CHD9: variants seen among roughly 807,000 people sequenced by gnomAD.
CHD9 encodes chromodomain helicase DNA binding protein 9.
A neutral mutation model predicts 316.1 loss-of-function variants in CHD9; 77 were observed. The observed-to-expected ratio is 0.24, with a 90% CI of 0.20 to 0.29. The LOEUF is 0.29. Among genes scored for constraint, CHD9 ranks in the 10% least tolerant of loss-of-function variants. CHD9 has a pLI of 1.00. For missense variants in CHD9, 2,763 were observed against 3,438.1 expected (o/e 0.80, Z 4.91); for synonymous variants, 1,129 against 1,158.3 (o/e 0.97, Z 0.51).
chr16:53,174,132 A>C lies in CHD9; in HGVS notation c.1452+16591A>C, dbSNP rs371225045. Reference sequence around the variant, plus strand: ...ACCCACTCTCTACAAAAAAATACAAAAATTAGCTGGGTTTGGTGGCATGCA... The same window carrying C: ...ACCCACTCTCTACAAAAAAATACAACAATTAGCTGGGTTTGGTGGCATGCA... On this transcript the variant is annotated intron_variant, in intron 2 of 38. Transcript: ENST00000447540. 3.7e-3 allele frequency among the ~76,000 whole-genome samples: 556 copies of C among 152,312 alleles called. 3 individuals carry two copies. Among genetic ancestry groups the C allele is most frequent in the African/African-American group, 0.013 (537 of 41,564 alleles).
chr16:53,297,156 A>G lies in CHD9; in HGVS notation c.5711A>G (p.Glu1904Gly). The change falls in exon 30 of 39, where the codon GAA (glutamate) becomes GGA (glycine). Residue 1904 changes from glutamate (E) to glycine (G), a missense_variant and splice_region_variant. Glu to Gly is a moderately conservative substitution (Grantham distance 98). This residue lies in a region of CHD9 where 663 missense variants were observed against 751.2 expected (regional missense o/e 0.88). Coordinates refer to ENST00000447540, the MANE Select transcript of CHD9 (RefSeq NM_001308319.2). Reference sequence around the variant, plus strand: ...AGGGTTTGTCGTCTTCCTTCCAAAGAAGGTATGTATAAAATTTCTTTTTCC... The same window carrying G: ...AGGGTTTGTCGTCTTCCTTCCAAAGGAGGTATGTATAAAATTTCTTTTTCC... Reference protein sequence around the residue: ...CRRVCRLPSKEELVDPNIFIQ... With the variant: ...CRRVCRLPSKGELVDPNIFIQ... 6.2e-7 allele frequency: 1 copy of G among 1,610,990 alleles called. No homozygotes were observed. Among genetic ancestry groups the G allele is most frequent in the Non-Finnish European group, 8.5e-7 (1 of 1,177,762 alleles).
chr16:53,190,198 C>T (rs2044368556), intron 2 of CHD9, among the ~76,000 whole-genome samples: 1 of 152,056 alleles, frequency 6.6e-6, no homozygotes, highest in African/African-American at 2.4e-5. Context: ...GCTTTCTTTC[C>T]AGATGGTAGA....
At chr16:53,276,139 ATAGTC>A (rs2052791414) in intron 24 of CHD9, among the ~76,000 whole-genome samples, 1 of 152,258 alleles carries the variant, frequency 6.6e-6, no homozygotes, top group Non-Finnish European at 1.5e-5. Context: ...CATAGATTCT[ATAGTC>A]TAGCACTCTA....
intron 1 of CHD9, among the ~76,000 whole-genome samples, chr16:53,129,408 T>C (rs2039114950): frequency 6.6e-6 from 1 of 152,242 alleles, no homozygotes; most frequent in African/African-American, 2.4e-5. Context: ...GTTATAAGTA[T>C]CCTTCAGGGA....
chr16:53,191,791 G>C lies in CHD9; in HGVS notation c.1453-17691G>C, dbSNP rs546666970. ...CATTTATTTTGGGTAAATATTGTCA[G>C]AATGGGGTTACTGGGTCACAAGTTT... On this transcript the variant is annotated intron_variant, in intron 2 of 38. Coordinates refer to ENST00000447540, the MANE Select transcript of CHD9 (RefSeq NM_001308319.2). 1.3e-5 allele frequency among the ~76,000 whole-genome samples: 2 copies of C among 152,206 alleles called. 1 individual carries two copies. The highest frequency in any genetic ancestry group is 4.8e-5 in the African/African-American group (2 of 41,562).
intron 2 of CHD9, among the ~76,000 whole-genome samples, chr16:53,176,719 T>C (rs1319744209): frequency 6.6e-6 from 1 of 152,238 alleles, no homozygotes; most frequent in Non-Finnish European, 1.5e-5. Flanking sequence ...TGAAGTGATT[T>C]AGAGTTGGGT....
chr16:53,117,423 TA>T (rs1255070126), intron 1 of CHD9, among the ~76,000 whole-genome samples: 3 of 151,622 alleles, frequency 2.0e-5, no homozygotes, highest in Non-Finnish European at 4.4e-5. Context: ...TATATATATA[TA>T]TATTTTTGGA....
In CHD9 at chr16:53,286,363, A is replaced by G. The variant is rs1202109989; in HGVS notation, c.5189+20A>G. The G allele has an allele frequency of 6.1e-6, 8 of 1,318,104 alleles. No homozygotes were observed. In the South Asian group the frequency reaches 8.3e-5, roughly 14 times the overall value. The allele number at this position is 1,318,104 out of a possible 1,614,324, so 81.7% of individuals were successfully genotyped here. On this transcript the variant is annotated intron_variant, in intron 26 of 38. Transcript: ENST00000447540. ...GGATGGGTATGTGTGTTTCAGAGTC[A>G]TGAATTTTCTATATATCTCTCTTCT...
intron 24 of CHD9, among the ~76,000 whole-genome samples, chr16:53,278,212 C>T (rs1309654522): frequency 6.6e-6 from 1 of 152,058 alleles, no homozygotes; most frequent in Non-Finnish European, 1.5e-5. Context: ...CAGTGCAATT[C>T]CTATCAAAAT....
chr16:53,225,746 A>C (rs1310905528), intron 4 of CHD9, among the ~76,000 whole-genome samples: 1 of 151,966 alleles, frequency 6.6e-6, no homozygotes, highest in Non-Finnish European at 1.5e-5. Context: ...ATGCTTTCTT[A>C]TTTTGTGCAT....
intron 24 of CHD9, among the ~76,000 whole-genome samples, chr16:53,281,842 A>G (rs948051027): frequency 6.6e-6 from 1 of 152,186 alleles, no homozygotes; most frequent in African/African-American, 2.4e-5. Context: ...CTTCTCAGAT[A>G]GACCTTCCCT....
At position 53,304,281 on chromosome 16, in the gene CHD9, A is replaced by G; in HGVS notation, c.6275A>G (p.Gln2092Arg). ...NGVLPQATGD[Q>R]KSGGKCETDR... Reference sequence around the variant, plus strand: ...GTTTTACCACAGGCTACTGGAGACCAGAAATCTGGTGGAAAATGTGAAACA... The same window carrying G: ...GTTTTACCACAGGCTACTGGAGACCGGAAATCTGGTGGAAAATGTGAAACA... Residue 2092 changes from glutamine (Q) to arginine (R), a missense_variant, in exon 31 of 39, where the codon CAG becomes CGG. Around this residue, in one of 15 missense-constraint regions of CHD9, gnomAD observed 663 missense variants for 751.2 expected, o/e 0.88. Coordinates refer to ENST00000447540, the MANE Select transcript of CHD9 (RefSeq NM_001308319.2). 1 of 1,611,742 alleles carries G rather than the reference A, an allele frequency of 6.2e-7. No individual in the cohort carries two copies. Among genetic ancestry groups the G allele is most frequent in the Non-Finnish European group, 8.5e-7 (1 of 1,179,638 alleles).
intron 2 of CHD9, among the ~76,000 whole-genome samples, chr16:53,165,153 G>T (rs2042187342): frequency 6.6e-6 from 1 of 152,204 alleles, no homozygotes; most frequent in Non-Finnish European, 1.5e-5. Context: ...TGAAAGCAGG[G>T]AGATGGAATA....
chr16:53,185,993 T>A (rs986509826), intron 2 of CHD9, among the ~76,000 whole-genome samples: 2 of 152,180 alleles, frequency 1.3e-5, no homozygotes, highest in African/African-American at 2.4e-5. Context: ...TAGGGCAGTG[T>A]GGAGGGGAAA....
chr16:53,177,551 T>G (rs970177761), intron 2 of CHD9, among the ~76,000 whole-genome samples: 2 of 152,212 alleles, frequency 1.3e-5, no homozygotes, highest in Non-Finnish European at 2.9e-5. Flanking sequence ...GAGGCCCAGA[T>G]AGAGTCTACA....
At position 53,304,322 on chromosome 16, in the gene CHD9, G is replaced by T; in HGVS notation, c.6316G>T (p.Ala2106Ser). The T allele has an allele frequency of 6.2e-7, 1 of 1,612,360 alleles. No homozygotes were observed. Among genetic ancestry groups the T allele is most frequent in the Non-Finnish European group, 8.5e-7 (1 of 1,179,806 alleles). ...GKCETDRRMV[A>S]ARTEPLTPNP... ...ATGTGAAACAGACAGACGCATGGTT[G>T]CAGCCAGAACAGAACCCCTAACTCC... Residue 2106 changes from alanine (A) to serine (S), a missense_variant, in exon 31 of 39, where the codon GCA becomes TCA. Physicochemically the swap from Ala to Ser is moderately conservative, Grantham distance 99 (BLOSUM62 1). Coordinates refer to ENST00000447540, the MANE Select transcript of CHD9 (RefSeq NM_001308319.2).
At chr16:53,239,034 T>C (rs2048860789) in intron 12 of CHD9, among the ~76,000 whole-genome samples, 1 of 152,140 alleles carries the variant, frequency 6.6e-6, no homozygotes, top group Non-Finnish European at 1.5e-5. Context: ...TCATGTTCAA[T>C]GGATTTTTAT....
At chr16:53,125,858 T>G (rs1199954278) in intron 1 of CHD9, among the ~76,000 whole-genome samples, 1 of 152,230 alleles carries the variant, frequency 6.6e-6, no homozygotes, top group Non-Finnish European at 1.5e-5. Context: ...TATTTTCAAC[T>G]TAAAATGGGT....
chr16:53,221,647 ATATC>A (rs1363498414), intron 3 of CHD9, among the ~76,000 whole-genome samples: 1 of 152,180 alleles, frequency 6.6e-6, no homozygotes, highest in African/African-American at 2.4e-5. Flanking sequence ...ATATATGTAA[ATATC>A]AATATATATA....
Sources: gnomAD v4.1 joint callset for allele counts (sites outside exome capture counted in the v4.1 genomes callset) on GRCh38, gnomAD v4.1.1 for gene constraint, gnomAD v4.1.1 regional missense constraint, MANE v1.5 for transcripts, NCBI Gene and HGNC (gene_info 2026-07-23, HGNC 2026-07-21) for gene names.